ENPP2: variants seen among roughly 807,000 people sequenced by gnomAD.
ENPP2 encodes ectonucleotide pyrophosphatase/phosphodiesterase 2, also known as autotaxin.
Under a neutral mutation model 120.2 loss-of-function variants are expected in ENPP2, and 51 were observed. The observed-to-expected ratio is 0.42, with a 90% CI of 0.34 to 0.54. ENPP2 has a LOEUF of 0.54. Among genes scored for constraint, ENPP2 ranks in the 20% least tolerant of loss-of-function variants. The pLI, the probability that ENPP2 is intolerant of heterozygous loss-of-function variation, is 0.04. For missense variants in ENPP2, 920 were observed against 1,066.5 expected (o/e 0.86, Z 1.91); for synonymous variants, 365 against 366.4 (o/e 1.00, Z 0.04).
intron 3 of ENPP2, among the ~76,000 whole-genome samples, chr8:119,624,025 G>A (rs1816098835): frequency 6.6e-6 from 1 of 152,112 alleles, no homozygotes; most frequent in Admixed American, 6.6e-5. Context: ...CCAATGATGA[G>A]CAATCTTCTA....
intron 8 of ENPP2, among the ~76,000 whole-genome samples, chr8:119,611,160 C>T (rs1815080185): frequency 6.6e-6 from 1 of 152,208 alleles, no homozygotes; most frequent in Non-Finnish European, 1.5e-5. Flanking sequence ...AAATTCAACA[C>T]TTTCTCAAAT....
intron 12 of ENPP2, among the ~76,000 whole-genome samples, chr8:119,592,175 C>G (rs1003056232): frequency 1.3e-5 from 2 of 152,108 alleles, no homozygotes; most frequent in African/African-American, 4.8e-5. Flanking sequence ...CTCCAAAGAC[C>G]ATGCCCTAAA....
chr8:119,575,867 A>G (rs551289099), intron 19 of ENPP2, among the ~76,000 whole-genome samples: 1 of 152,328 alleles, frequency 6.6e-6, no homozygotes, highest in African/African-American at 2.4e-5. Flanking sequence ...CATCAAATTC[A>G]TCTTGAATTC....
At chr8:119,604,749 A>G (rs1171055566) in intron 9 of ENPP2, among the ~76,000 whole-genome samples, 1 of 152,084 alleles carries the variant, frequency 6.6e-6, no homozygotes, top group Admixed American at 6.5e-5. Flanking sequence ...ATACCCTAAT[A>G]AGCATTTTAT....
intron 3 of ENPP2, among the ~76,000 whole-genome samples, chr8:119,622,690 T>C (rs1815989021): frequency 6.6e-6 from 1 of 152,142 alleles, no homozygotes; most frequent in Non-Finnish European, 1.5e-5. Context: ...ATGTATTAAA[T>C]TGAATTGGAA....
chr8:119,568,137 T>G, intron 22 of ENPP2, 38 bp downstream of exon 22: 5 of 1,046,468 alleles, frequency 4.8e-6, no homozygotes, highest in Non-Finnish European at 7.4e-6. Context: ...ATGTTTATTT[T>G]CATAAATAAC....
intron 3 of ENPP2, among the ~76,000 whole-genome samples, chr8:119,624,545 A>C (rs1816137104): frequency 6.6e-6 from 1 of 152,192 alleles, no homozygotes; most frequent in Non-Finnish European, 1.5e-5. Flanking sequence ...CTTAAGGAGA[A>C]TAGGCAAAAG....
At chr8:119,636,242 A>T (rs1342852547) in intron 2 of ENPP2, among the ~76,000 whole-genome samples, 1 of 152,188 alleles carries the variant, frequency 6.6e-6, no homozygotes, top group Non-Finnish European at 1.5e-5. Flanking sequence ...ATCGAGAGAG[A>T]TCCTTTCTAA....
intron 2 of ENPP2, among the ~76,000 whole-genome samples, chr8:119,628,567 G>C (rs72688233): frequency 6.6e-6 from 1 of 152,020 alleles, no homozygotes; most frequent in Non-Finnish European, 1.5e-5. Flanking sequence ...CACCGTAAGA[G>C]GACTATTGCA....
At chr8:119,602,457 C>CA (rs57298494) in intron 9 of ENPP2, among the ~76,000 whole-genome samples, 4,055 of 122,852 alleles carry the variant, frequency 0.033, 98 homozygotes, top group African/African-American at 0.066. Context: ...AACTCTGTCT[C>CA]AAAAAAAAAA....
intron 2 of ENPP2, among the ~76,000 whole-genome samples, chr8:119,628,446 T>C (rs1816432124): frequency 1.3e-5 from 2 of 152,190 alleles, no homozygotes; most frequent in Admixed American, 1.3e-4. Context: ...ACAAAAAATG[T>C]CCATTGTTCA....
intron 12 of ENPP2, chr8:119,592,825 CTTTTTTTTTTT>C (rs10602946): frequency 0.033 from 3,138 of 93,708 alleles, 129 homozygotes; most frequent in African/African-American, 0.12. Context: ...ATCCCTTTGG[CTTTTTTTTTTT>C]TTTTTTTTTT....
intron 9 of ENPP2, among the ~76,000 whole-genome samples, chr8:119,602,090 C>T (rs1814354298): frequency 6.6e-6 from 1 of 152,202 alleles, no homozygotes; most frequent in Non-Finnish European, 1.5e-5. Context: ...TAACCTGAAA[C>T]TTTAAGTTCC....
chr8:119,578,038 T>C (rs971561489), intron 19 of ENPP2, among the ~76,000 whole-genome samples: 2 of 151,968 alleles, frequency 1.3e-5, no homozygotes, highest in African/African-American at 4.8e-5. Flanking sequence ...ATTGTGTGTG[T>C]TTTTTTGTTG....
intron 17 of ENPP2, among the ~76,000 whole-genome samples, chr8:119,582,967 TATTTA>T (rs1467568327): frequency 6.6e-6 from 1 of 152,244 alleles, no homozygotes; most frequent in African/African-American, 2.4e-5. Flanking sequence ...TCTCTGGGAC[TATTTA>T]ATTCCATGTT....
chr8:119,574,475 T>C (rs1037872790), intron 19 of ENPP2, among the ~76,000 whole-genome samples: 1 of 151,878 alleles, frequency 6.6e-6, no homozygotes, highest in Non-Finnish European at 1.5e-5. Context: ...CAGTTCCCTG[T>C]TTACAATAGT....
upstream of ENPP2, among the ~76,000 whole-genome samples, chr8:119,643,335 A>G (rs1424941790): frequency 6.6e-6 from 1 of 152,220 alleles, no homozygotes; most frequent in Non-Finnish European, 1.5e-5. Context: ...GCAAACATGT[A>G]TAAGTCTTAC....
intron 19 of ENPP2, 81 bp from the exon 20 acceptor site, chr8:119,570,922 GT>G: frequency 1.1e-6 from 1 of 916,208 alleles, no homozygotes; most frequent in Non-Finnish European, 1.6e-6. Flanking sequence ...GAAGAGTCAA[GT>G]TACCTAAAAT....
chr8:119,576,240 C>T (rs1391006790), intron 19 of ENPP2, among the ~76,000 whole-genome samples: 3 of 152,154 alleles, frequency 2.0e-5, no homozygotes, highest in East Asian at 1.9e-4. Context: ...TGGGTTCAAG[C>T]GATTCTCCTG....
Sources: allele counts gnomAD v4.1 joint callset (sites outside exome capture counted in the v4.1 genomes callset), GRCh38; gene constraint gnomAD v4.1.1; transcripts MANE v1.5; gene names NCBI Gene and HGNC (gene_info 2026-07-23, HGNC 2026-07-21).